TACC1: variants seen among roughly 807,000 people sequenced by gnomAD.
TACC1 encodes transforming acidic coiled-coil containing protein 1.
A neutral mutation model predicts 84.4 loss-of-function variants in TACC1; 48 were observed. That is an observed-to-expected ratio of 0.57 (90% CI 0.45 to 0.72). The LOEUF is 0.72. Ranked by LOEUF, TACC1 falls within the 30% of genes least tolerant of loss-of-function variation. TACC1 has a pLI of 0.00. For synonymous variants in TACC1, 372 were observed against 376.3 expected (o/e 0.99, Z 0.13); for missense variants, 920 against 973.0 (o/e 0.95, Z 0.72).
At chr8:38,785,810 C>T (rs1817027464), upstream of TACC1, 1 of 712,118 alleles carries the variant, frequency 1.4e-6, no homozygotes, top group South Asian at 6.3e-5. Flanking sequence ...CTGCCTAGTT[C>T]ACTTCTTTAT....
chr8:38,748,354 T>C (rs1294646134), intron 3 of TACC1, among the ~76,000 whole-genome samples: 1 of 152,128 alleles, frequency 6.6e-6, no homozygotes, highest in African/African-American at 2.4e-5. Flanking sequence ...TAGGCAATTA[T>C]AATTGGAAAT....
intron 3 of TACC1, among the ~76,000 whole-genome samples, chr8:38,780,223 T>G (rs1312763800): frequency 1.3e-5 from 2 of 152,266 alleles, no homozygotes; most frequent in East Asian, 3.8e-4. Context: ...TTTAGTCATC[T>G]AATCCATCTG....
chr8:38,735,788 A>T (rs1306309846), intron 1 of TACC1, among the ~76,000 whole-genome samples: 6 of 152,194 alleles, frequency 3.9e-5, no homozygotes, highest in Non-Finnish European at 8.8e-5. Flanking sequence ...TGGGCTCCTG[A>T]CTGAAAGAAT....
chr8:38,785,186 A>G (rs900906884), upstream of TACC1, among the ~76,000 whole-genome samples: 5 of 152,180 alleles, frequency 3.3e-5, no homozygotes, highest in Admixed American at 3.3e-4. Context: ...CTCCCTCTGC[A>G]GGCAAAGGGA....
exon 3 of TACC1, chr8:38,745,468 A>T (rs189312728): frequency 1.5e-6 from 1 of 688,578 alleles, no homozygotes; most frequent in East Asian, 2.7e-5. Flanking sequence ...TGACCTGGAG[A>T]TGAATAATAT....
At chr8:38,764,711 A>AATCCTAGCACTTTGG (rs1191255875) in intron 3 of TACC1, among the ~76,000 whole-genome samples, 3 of 152,132 alleles carry the variant, frequency 2.0e-5, no homozygotes, top group Non-Finnish European at 4.4e-5. Context: ...TCATGCCTGT[A>AATCCTAGCACTTTGG]ATCCTAGCAC....
rs1830636343 is a variant in TACC1 at position 38,838,475 on chromosome 8, T to C, written c.1845T>C (p.Ile615=). 2 of 1,612,136 alleles carry C rather than the reference T, an allele frequency of 1.2e-6. No individual in the cohort carries two copies. Among genetic ancestry groups the C allele is most frequent in the South Asian group, 1.1e-5 (1 of 91,016 alleles). Residue 615 remains isoleucine (I), a synonymous_variant, in exon 8 of 13, where the codon ATT becomes ATC. Transcript: ENST00000317827. ...TAAGCTTTATTGTACTCTAGATAAT[T>C]ACTAAAGAGATTGAAGCAAATGAAT... ...AVLTLIREEI[I]TKEIEANEWK...
rs185350851 is a variant in TACC1, at chr8:38,801,448, C to T, written c.277+12629C>T. Among the ~76,000 whole-genome samples, 191 of 152,250 alleles carry T rather than the reference C, an allele frequency of 1.3e-3. 1 individual carries two copies. Among genetic ancestry groups the T allele is most frequent in the Admixed American group, 5.9e-4 (9 of 15,296 alleles). Reference sequence around the variant, plus strand: ...TTTTGCATGTGGATATCCAGTTGTCCCAGCACCATTTGTCAAAAAGACTAT... The same window carrying T: ...TTTTGCATGTGGATATCCAGTTGTCTCAGCACCATTTGTCAAAAAGACTAT... On this transcript the variant is annotated intron_variant, in intron 2 of 12. Transcript: ENST00000317827.
chr8:38,837,243 C>A lies in TACC1; in HGVS notation c.1839+956C>A, dbSNP rs549216493. 3.4e-3 allele frequency among the ~76,000 whole-genome samples: 492 copies of A among 144,446 alleles called. 1 individual carries two copies. Among genetic ancestry groups the A allele is most frequent in the Non-Finnish European group, 4.9e-3 (321 of 65,112 alleles). 94.8% of individuals were successfully genotyped at this position (144,446 alleles called of 152,430 possible). On this transcript the variant is annotated intron_variant, in intron 7 of 12. Transcript: ENST00000317827. ...CAGACTGACCAACGTGGAGAAACCC[C>A]ATCTCTACTAAAAAAAAAAAAAATA...
At chr8:38,769,487 G>A (rs1813047959) in intron 3 of TACC1, among the ~76,000 whole-genome samples, 1 of 147,750 alleles carries the variant, frequency 6.8e-6, no homozygotes, top group South Asian at 2.2e-4. Flanking sequence ...CTGGGTATGG[G>A]TGAGGGTATG....
chr8:38,743,662 C>T (rs1472704805), intron 2 of TACC1, among the ~76,000 whole-genome samples: 1 of 152,084 alleles, frequency 6.6e-6, no homozygotes, highest in Non-Finnish European at 1.5e-5. Context: ...TTTGATCTGG[C>T]TGAGTGTCAT....
At chr8:38,810,498 G>A (rs1823834107) in intron 2 of TACC1, among the ~76,000 whole-genome samples, 2 of 152,084 alleles carry the variant, frequency 1.3e-5, no homozygotes, top group Admixed American at 1.3e-4. Flanking sequence ...CAGTTTCTCA[G>A]GAGGGTGAGG....
chr8:38,834,298 C>T lies in TACC1; in HGVS notation c.1714-1864C>T, dbSNP rs549520597. Among the ~76,000 whole-genome samples, 3 of 152,330 alleles carry T rather than the reference C, an allele frequency of 2.0e-5. No individual in the cohort carries two copies. In the South Asian group the frequency reaches 6.2e-4, roughly 32 times the overall value. On this transcript the variant is annotated intron_variant, in intron 6 of 12. Transcript: ENST00000317827. ...TGGCAGAGACATCGGCTCCTTGCCA[C>T]GTGGGCCTTTCCCTGTAGCTTCTCA... is the stretch of plus-strand genomic sequence containing the variant.
intron 3 of TACC1, among the ~76,000 whole-genome samples, chr8:38,764,743 G>C (rs1811897449): frequency 6.6e-6 from 1 of 152,108 alleles, no homozygotes. Context: ...GAGGAGGGCA[G>C]GTCACCTGAG....
At chr8:38,846,457 C>A in intron 11 of TACC1, 28 of 316,838 alleles carry the variant, frequency 8.8e-5, no homozygotes, top group East Asian at 1.3e-4. Context: ...AAAAAAAAAT[C>A]TAAGACTGTT....
chr8:38,825,559 T>C (rs1328939550), intron 4 of TACC1, among the ~76,000 whole-genome samples, 191 bp downstream of exon 4: 1 of 151,754 alleles, frequency 6.6e-6, no homozygotes, highest in Admixed American at 6.6e-5. Context: ...CCTTTCACAA[T>C]GACTCTTTTT....
intron 3 of TACC1, among the ~76,000 whole-genome samples, chr8:38,821,055 A>AT (rs1264380006): frequency 2.0e-5 from 3 of 152,236 alleles, no homozygotes; most frequent in Admixed American, 2.0e-4. Flanking sequence ...AAATGCAAAA[A>AT]TTAGCTGGGC....
chr8:38,730,805 C>CGGAAT (rs1554621946), intron 1 of TACC1, among the ~76,000 whole-genome samples: 1 of 152,182 alleles, frequency 6.6e-6, no homozygotes, highest in Non-Finnish European at 1.5e-5. Flanking sequence ...GGGGCCAGGA[C>CGGAAT]GGAATGTTCT....
chr8:38,794,888 T>A (rs1819612720), intron 2 of TACC1, among the ~76,000 whole-genome samples: 1 of 152,238 alleles, frequency 6.6e-6, no homozygotes, highest in Non-Finnish European at 1.5e-5. Context: ...CGCAGCCTAA[T>A]GCTTTTAATT....
Sources: gnomAD v4.1 joint callset for allele counts (sites outside exome capture counted in the v4.1 genomes callset) on GRCh38, gnomAD v4.1.1 for gene constraint, MANE v1.5 for transcripts, NCBI Gene and HGNC (gene_info 2026-07-23, HGNC 2026-07-21) for gene names.